The following TENM3 variants were observed in gnomAD, a reference collection of about 807,000 sequenced individuals.
TENM3 encodes the protein teneurin transmembrane protein 3.
TENM3 carries 63 observed loss-of-function variants against 255.1 expected under a neutral mutation model. That is an observed-to-expected ratio of 0.25 (90% CI 0.20 to 0.30). The LOEUF is 0.30. Ranked by LOEUF, TENM3 falls within the 10% of genes least tolerant of loss-of-function variation. The pLI is 1.00. For synonymous variants in TENM3, 1,306 were observed against 1,322.3 expected, an observed-to-expected ratio of 0.99 and a Z score of 0.27; for missense variants, 2,929 against 3,461.1, an observed-to-expected ratio of 0.85 and a Z score of 3.86.
chr4:182,340,036 A>G (rs1437084589), intron 2 of TENM3, among the ~76,000 whole-genome samples: 3 of 152,108 alleles, frequency 2.0e-5, no homozygotes, highest in Non-Finnish European at 4.4e-5. Context: ...ACGTCAGCCA[A>G]CTCACAACCT....
intron 3 of TENM3, among the ~76,000 whole-genome samples, chr4:182,375,485 C>A (rs1440022248): frequency 6.6e-6 from 1 of 152,122 alleles, no homozygotes; most frequent in Admixed American, 6.5e-5. Flanking sequence ...TATTTGTATT[C>A]TCTGACCTTT....
chr4:182,129,687 G>T, the TENM3 span, among the ~76,000 whole-genome samples: 1 of 152,124 alleles, frequency 6.6e-6, no homozygotes, highest in Non-Finnish European at 1.5e-5. Flanking sequence ...TGATATATAA[G>T]TAATCAAATT....
intron 5 of TENM3, 119 bp downstream of exon 5, chr4:182,629,008 G>A (rs931127811): frequency 1.2e-5 from 8 of 675,522 alleles, no homozygotes; most frequent in Non-Finnish European, 2.0e-5. Context: ...GTGGGGGTGA[G>A]TTTGGTAATA....
At position 182,774,957 on chromosome 4, in the gene TENM3, C is replaced by A; in HGVS notation, c.5108C>A (p.Ser1703Tyr). ...AGCTACCAGATTGGTTATGACGGCT[C>A]CCTCAGAATTATCTACGCCAGTGGC... ...RNSYQIGYDG[S>Y]LRIIYASGLD... Residue 1703 changes from serine to tyrosine, a missense_variant, in exon 24 of 28, where the codon TCC becomes TAC. By Grantham distance (144) the Ser-to-Tyr change is moderately radical. Transcript: ENST00000511685. 1 of 1,613,778 alleles carries A rather than the reference C, an allele frequency of 6.2e-7. No individual in the cohort carries two copies. The highest frequency in any genetic ancestry group is 8.5e-7 in the Non-Finnish European group (1 of 1,179,778).
the TENM3 span, among the ~76,000 whole-genome samples, chr4:181,967,834 C>A: frequency 1.3e-5 from 2 of 152,128 alleles, no homozygotes; most frequent in African/African-American, 2.4e-5. Flanking sequence ...TTCCACCCCC[C>A]AGGCTTACTT....
chr4:181,650,397 T>C, the TENM3 span, among the ~76,000 whole-genome samples: 4 of 152,184 alleles, frequency 2.6e-5, no homozygotes, highest in Admixed American at 1.3e-4. Context: ...TACACTTGTC[T>C]GCTACATGGG....
chr4:182,482,333 A>G (rs1734280905), intron 3 of TENM3, among the ~76,000 whole-genome samples: 2 of 152,154 alleles, frequency 1.3e-5, no homozygotes, highest in South Asian at 4.1e-4. Context: ...TAATATGCTT[A>G]TATCTATATT....
intron 3 of TENM3, 61 bp downstream of exon 3, chr4:182,346,990 CTCCGCGGGGGGGGA>C (rs1764863830): frequency 8.2e-7 from 1 of 1,223,652 alleles, no homozygotes; most frequent in African/African-American, 3.1e-5. Context: ...TTTTGGTTGA[CTCCGCGGGGGGGGA>C]TGTTTTTCTT....
At chr4:182,679,249 G>A (rs192313528) in intron 7 of TENM3, among the ~76,000 whole-genome samples, 86 of 152,124 alleles carry the variant, frequency 5.7e-4, no homozygotes, top group Non-Finnish European at 9.9e-4. Flanking sequence ...ACCAGAGGCC[G>A]GGAGGGCACT....
At chr4:181,732,226 T>G in the TENM3 span, among the ~76,000 whole-genome samples, 1 of 152,158 alleles carries the variant, frequency 6.6e-6, no homozygotes, top group Non-Finnish European at 1.5e-5. Context: ...GAAGGATAGA[T>G]GCATGGTAGA....
At chr4:181,829,361 T>C in the TENM3 span, among the ~76,000 whole-genome samples, 1 of 152,172 alleles carries the variant, frequency 6.6e-6, no homozygotes, top group Non-Finnish European at 1.5e-5. Flanking sequence ...TGCTGATACC[T>C]GGATAGGAAT....
chr4:182,798,209 C>T (rs1398365225), intron 27 of TENM3, among the ~76,000 whole-genome samples: 3 of 152,150 alleles, frequency 2.0e-5, no homozygotes, highest in Non-Finnish European at 4.4e-5. Flanking sequence ...AGTCTCCCTG[C>T]GTAGCACAGG....
chr4:181,815,557 A>T, the TENM3 span, among the ~76,000 whole-genome samples: 89 of 152,160 alleles, frequency 5.8e-4, no homozygotes, highest in Non-Finnish European at 9.6e-4. Flanking sequence ...AAACTTGAAT[A>T]TAGAAGATAT....
Position 182,737,005 on chromosome 4 carries a change from G to C in TENM3, c.3165G>C (p.Leu1055Phe), listed in dbSNP as rs1579293917. 1 of 1,613,726 alleles carries C rather than the reference G, an allele frequency of 6.2e-7. No individual in the cohort carries two copies. The highest frequency in any genetic ancestry group is 2.2e-5 in the East Asian group (1 of 44,856). ...FQKWFPASPN[L>F]AYTFIWDKTD... ...AGTGGTTTCCTGCCTCACCAAACTT[G>C]GCCTATACTTTCATATGGGATAAAA... The change falls in exon 17 of 28, where the codon TTG becomes TTC. Residue 1055 changes from leucine (L) to phenylalanine (F), a missense_variant. Leu to Phe is a conservative substitution (Grantham distance 22, BLOSUM62 0). Coordinates refer to ENST00000511685, the MANE Select transcript of TENM3 (RefSeq NM_001080477.4).
the TENM3 span, among the ~76,000 whole-genome samples, chr4:181,676,845 C>T: frequency 5.3e-5 from 8 of 152,106 alleles, no homozygotes; most frequent in African/African-American, 1.7e-4. Flanking sequence ...GTGACCAATG[C>T]GATCCAGATC....
the TENM3 span, among the ~76,000 whole-genome samples, chr4:181,948,063 G>A: frequency 1.3e-5 from 2 of 152,096 alleles, no homozygotes; most frequent in African/African-American, 4.8e-5. Flanking sequence ...AAAGAAAAGC[G>A]AGCACTCACT....
chr4:182,644,578 T>A (rs1752577095), intron 5 of TENM3, among the ~76,000 whole-genome samples: 1 of 152,178 alleles, frequency 6.6e-6, no homozygotes, highest in Non-Finnish European at 1.5e-5. Context: ...GAATGCATGC[T>A]GTAATTTCTC....
At chr4:182,564,170 A>G (rs1743514145) in intron 3 of TENM3, among the ~76,000 whole-genome samples, 1 of 152,130 alleles carries the variant, frequency 6.6e-6, no homozygotes, top group South Asian at 2.1e-4. Context: ...ATAGGGATTC[A>G]CTGCTTTCTG....
chr4:182,534,199 A>G (rs547826761), intron 3 of TENM3, among the ~76,000 whole-genome samples: 177 of 152,300 alleles, frequency 1.2e-3, no homozygotes, highest in African/African-American at 4.1e-3. Flanking sequence ...TCAGAGGAAC[A>G]TGCCCAGCTA....
Sources: gnomAD v4.1 joint callset for allele counts (sites outside exome capture counted in the v4.1 genomes callset) on GRCh38, gnomAD v4.1.1 for gene constraint, MANE v1.5 for transcripts, NCBI Gene and HGNC (gene_info 2026-07-23, HGNC 2026-07-21) for gene names.